FBXL13: variants seen among roughly 807,000 people sequenced by gnomAD.
The protein encoded by FBXL13 is F-box and leucine-rich repeat protein 13.
Under a neutral mutation model 83.6 loss-of-function variants are expected in FBXL13, and 67 were observed. The observed-to-expected ratio is 0.80, with a 90% CI of 0.66 to 0.98. The LOEUF is 0.98. Among genes scored for constraint, FBXL13 ranks in the 50% least tolerant of loss-of-function variants. The pLI is 0.00. For missense variants in FBXL13, 822 were observed against 866.5 expected (o/e 0.95, Z 0.64); for synonymous variants, 272 against 299.5 (o/e 0.91, Z 0.95).
chr7:102,826,146 C>A (rs528148891), intron 18 of FBXL13, among the ~76,000 whole-genome samples: 2 of 152,078 alleles, frequency 1.3e-5, no homozygotes, highest in Non-Finnish European at 2.9e-5. Context: ...TTTGCCCCCT[C>A]CCCACCAATT....
chr7:103,001,193 T>C (rs1790369393), intron 6 of FBXL13, among the ~76,000 whole-genome samples: 1 of 152,046 alleles, frequency 6.6e-6, no homozygotes, highest in Admixed American at 6.6e-5. Flanking sequence ...ACTCCCAGGT[T>C]CAAGTGATCC....
intron 16 of FBXL13, among the ~76,000 whole-genome samples, chr7:102,868,448 A>G (rs1256401635): frequency 2.0e-5 from 3 of 152,068 alleles, no homozygotes; most frequent in African/African-American, 4.8e-5. Flanking sequence ...ACTTAACACA[A>G]TGTCCTTTAG....
intron 8 of FBXL13, chr7:102,939,326 C>CCCTT: frequency 1.1e-6 from 1 of 942,170 alleles, no homozygotes; most frequent in Non-Finnish European, 1.6e-6. Context: ...ATCCCTTTAC[C>CCCTT]CCTTCTCTTT....
chr7:103,029,275 G>C (rs1794259881), intron 3 of FBXL13, 76 bp downstream of exon 4: 12 of 887,508 alleles, frequency 1.4e-5, no homozygotes, highest in Non-Finnish European at 1.9e-5. Flanking sequence ...CTGGCCAAAA[G>C]TGAATTTTTC....
chr7:103,023,873 A>G (rs1326390051), intron 6 of FBXL13, among the ~76,000 whole-genome samples: 2 of 152,250 alleles, frequency 1.3e-5, no homozygotes, highest in Non-Finnish European at 1.5e-5. Context: ...TAACACAGAG[A>G]CAGAAAACCA....
At chr7:102,964,780 A>G (rs1825802025) in intron 7 of FBXL13, among the ~76,000 whole-genome samples, 1 of 152,218 alleles carries the variant, frequency 6.6e-6, no homozygotes, top group South Asian at 2.1e-4. Flanking sequence ...CGATGTAATC[A>G]TACATGTATA....
chr7:102,966,698 G>A (rs1284137544), intron 7 of FBXL13, among the ~76,000 whole-genome samples: 1 of 152,176 alleles, frequency 6.6e-6, no homozygotes, highest in East Asian at 1.9e-4. Flanking sequence ...ACAATTGTAT[G>A]TTGCTCCATC....
intron 18 of FBXL13, among the ~76,000 whole-genome samples, chr7:102,824,002 G>A (rs1444044502): frequency 6.6e-6 from 1 of 152,188 alleles, no homozygotes; most frequent in Non-Finnish European, 1.5e-5. Context: ...GGACAACAAG[G>A]TGATGGAAAA....
chr7:102,835,672 C>G (rs10237607), intron 17 of FBXL13, among the ~76,000 whole-genome samples: 44,946 of 109,682 alleles, frequency 0.41, 10,115 homozygotes, highest in African/African-American at 0.69. Context: ...TGCAGTGGCG[C>G]AATCTCGGCT....
At chr7:102,910,328 G>A (rs1814438766) in intron 11 of FBXL13, among the ~76,000 whole-genome samples, 1 of 152,024 alleles carries the variant, frequency 6.6e-6, no homozygotes. Context: ...TTAAAACCAG[G>A]TACGATGACT....
At chr7:102,908,829 T>C (rs112881677) in intron 11 of FBXL13, among the ~76,000 whole-genome samples, 18 of 152,364 alleles carry the variant, frequency 1.2e-4, no homozygotes, top group African/African-American at 2.2e-4. Context: ...ACCACTATGA[T>C]TGCACTGGGT....
At chr7:102,839,456 G>T (rs1020513021) in intron 17 of FBXL13, among the ~76,000 whole-genome samples, 1 of 151,988 alleles carries the variant, frequency 6.6e-6, no homozygotes, top group Non-Finnish European at 1.5e-5. Flanking sequence ...TCAGTCTCTC[G>T]TCCCACCTGA....
chr7:102,870,990 T>C (rs1212159928), intron 16 of FBXL13, among the ~76,000 whole-genome samples: 1 of 152,204 alleles, frequency 6.6e-6, no homozygotes, highest in Non-Finnish European at 1.5e-5. Flanking sequence ...ACTGTTGTTA[T>C]TCCCATTACA....
At chr7:102,900,541 T>G (rs1812835490) in intron 11 of FBXL13, among the ~76,000 whole-genome samples, 1 of 152,302 alleles carries the variant, frequency 6.6e-6, no homozygotes, top group South Asian at 2.1e-4. Context: ...GAATTGTCAA[T>G]TTTCCTTCTA....
At chr7:103,013,471 C>T (rs1336322522) in intron 6 of FBXL13, among the ~76,000 whole-genome samples, 3 of 151,954 alleles carry the variant, frequency 2.0e-5, no homozygotes, top group Non-Finnish European at 4.4e-5. Context: ...GAAATTAATG[C>T]TAAGAATATC....
At chr7:102,926,360 T>C (rs1212067322) in exon 10 of FBXL13, 1 of 1,613,290 alleles carries the variant, frequency 6.2e-7, no homozygotes, top group Non-Finnish European at 8.5e-7. Context: ...CAGAAATGTG[T>C]CTCATTGATT....
At chr7:103,009,801 T>C (rs1791401797) in intron 6 of FBXL13, among the ~76,000 whole-genome samples, 1 of 152,192 alleles carries the variant, frequency 6.6e-6, no homozygotes, top group Non-Finnish European at 1.5e-5. Context: ...ACTCTGCCAC[T>C]TGCAGCCCGG....
intron 6 of FBXL13, among the ~76,000 whole-genome samples, chr7:103,009,764 G>GAGCC (rs906676073): frequency 6.6e-6 from 1 of 152,142 alleles, no homozygotes; most frequent in African/African-American, 2.4e-5. Context: ...AGCCCTTAAT[G>GAGCC]AGCCAGCCAG....
chr7:102,883,272 G>A lies in FBXL13; in HGVS notation c.1388+33C>T, dbSNP rs372954856. The A allele has an allele frequency of 3.2e-6, 5 of 1,572,410 alleles. No homozygotes were observed. In the African/African-American group the frequency reaches 4.2e-5, roughly 13 times the overall value. ...ACCTGGCACATACTAGATAATCAAC[G>A]TTTCTTGAATATATTACTGAATGAC... On this transcript the variant is annotated intron_variant, in intron 14 of 19. Coordinates refer to ENST00000313221, the Ensembl canonical transcript of FBXL13.
Sources: gnomAD v4.1 joint callset for allele counts (sites outside exome capture counted in the v4.1 genomes callset) on GRCh38, gnomAD v4.1.1 for gene constraint, MANE v1.5 for transcripts, NCBI Gene and HGNC (gene_info 2026-07-23, HGNC 2026-07-21) for gene names.